The following HERC2 variants were observed in gnomAD, a reference collection of about 807,000 sequenced individuals.
The protein encoded by HERC2 is HECT and RLD domain containing E3 ubiquitin protein ligase 2.
Under a neutral mutation model 537.7 loss-of-function variants are expected in HERC2, and 102 were observed. That is an observed-to-expected ratio of 0.19 (90% CI 0.16 to 0.22). The LOEUF (loss-of-function observed/expected upper bound fraction) is 0.22, where lower values mean the gene tolerates loss of function less well. Ranked by LOEUF, HERC2 falls within the 10% of genes least tolerant of loss-of-function variation. The pLI, the probability that HERC2 is intolerant of heterozygous loss-of-function variation, is 1.00. For missense variants in HERC2, 4,236 were observed against 6,198.2 expected (o/e 0.68, Z 10.63); for synonymous variants, 2,224 against 2,466.2 (o/e 0.90, Z 2.91).
rs185450262 is a variant in HERC2 at position 28,143,009 on chromosome 15, C to T, written c.11419-57G>A. On this transcript the variant is annotated intron_variant, in intron 74 of 92. Transcript: ENST00000261609. Reference sequence around the variant, plus strand: ...GGAATCCAGGTGCCGGGGAGGCTGACCATTTGTTTCTACCGTCAAATGTTT... The same window carrying T: ...GGAATCCAGGTGCCGGGGAGGCTGATCATTTGTTTCTACCGTCAAATGTTT... The T allele has an allele frequency of 1.8e-3, 2,839 of 1,555,512 alleles. 31 individuals carry two copies. Among genetic ancestry groups the T allele is most frequent in the South Asian group, 0.015 (1,290 of 84,960 alleles).
At chr15:28,289,124 C>T (rs1316912305) in intron 4 of HERC2, among the ~76,000 whole-genome samples, 2 of 151,692 alleles carry the variant, frequency 1.3e-5, no homozygotes, top group Non-Finnish European at 1.5e-5. Flanking sequence ...TAGATTTAAA[C>T]CCAAGTAGTC....
chr15:28,285,571 A>G (rs866030940), intron 4 of HERC2, among the ~76,000 whole-genome samples: 1 of 152,086 alleles, frequency 6.6e-6, no homozygotes, highest in African/African-American at 2.4e-5. Flanking sequence ...TTACAGCACT[A>G]AATAAATGAT....
chr15:28,230,341 C>A (rs1450428691), intron 31 of HERC2, 26 bp downstream of exon 31: 1 of 1,581,674 alleles, frequency 6.3e-7, no homozygotes, highest in Non-Finnish European at 8.6e-7. Flanking sequence ...ATTCAGCCAA[C>A]CTCAGAATCA....
At chr15:28,165,837 T>C (rs1248903364) in intron 68 of HERC2, among the ~76,000 whole-genome samples, 1 of 152,034 alleles carries the variant, frequency 6.6e-6, no homozygotes, top group African/African-American at 2.4e-5. Flanking sequence ...TATGTACCTA[T>C]TATGTTACAC....
At chr15:28,119,747 A>G (rs1888676816) in intron 86 of HERC2, among the ~76,000 whole-genome samples, 1 of 152,074 alleles carries the variant, frequency 6.6e-6, no homozygotes, top group Non-Finnish European at 1.5e-5. Context: ...AGCCACCACC[A>G]ACGACTAATA....
intron 48 of HERC2, among the ~76,000 whole-genome samples, chr15:28,199,843 G>A (rs564648492): frequency 3.3e-5 from 5 of 152,180 alleles, no homozygotes; most frequent in African/African-American, 4.8e-5. Flanking sequence ...AGAGGAAGAT[G>A]TTAGCCACAA....
intron 72 of HERC2, 96 bp from the exon 73 acceptor site, chr15:28,144,331 A>C: frequency 7.5e-7 from 1 of 1,330,380 alleles, no homozygotes. Context: ...ACCCAGCCCC[A>C]CCCACCAGAA....
At chr15:28,223,905 T>A (rs992493062) in intron 35 of HERC2, among the ~76,000 whole-genome samples, 3 of 151,952 alleles carry the variant, frequency 2.0e-5, no homozygotes, top group African/African-American at 7.3e-5. Flanking sequence ...TACTTAATGA[T>A]TTGTGCTGTG....
intron 76 of HERC2, 38 bp from the exon 77 acceptor site, chr15:28,141,884 T>C (rs761184404): frequency 1.3e-5 from 19 of 1,426,610 alleles, no homozygotes; most frequent in Non-Finnish European, 1.8e-5. Context: ...ATCAAACACT[T>C]ATCTCAAACA....
intron 35 of HERC2, 152 bp from the exon 36 acceptor site, chr15:28,222,367 T>C: frequency 5.5e-6 from 3 of 543,578 alleles, no homozygotes; most frequent in Non-Finnish European, 1.0e-5. Context: ...AATATTTTAC[T>C]GATATAGGAT....
At chr15:28,282,110 TCA>T (rs2076034295) in intron 4 of HERC2, among the ~76,000 whole-genome samples, 3 of 152,132 alleles carry the variant, frequency 2.0e-5, no homozygotes, top group Admixed American at 2.0e-4. Context: ...TACCCCTGCC[TCA>T]CAGTAACCAG....
chr15:28,199,443 C>A lies in HERC2; in HGVS notation c.7717-674G>T, dbSNP rs182696485. Among the ~76,000 whole-genome samples, 3 of 152,332 alleles carry A rather than the reference C, an allele frequency of 2.0e-5. No individual in the cohort carries two copies. The East Asian group carries it at 5.8e-4, about 29-fold the overall frequency. ...ACAAAGCTTCCTGGTCATCTTTATA[C>A]ATATCAGAACACCAATGCATCATTC... On this transcript the variant is annotated intron_variant, in intron 48 of 92. Coordinates refer to ENST00000261609, the MANE Select transcript of HERC2 (RefSeq NM_004667.6).
intron 78 of HERC2, among the ~76,000 whole-genome samples, chr15:28,137,743 A>G (rs1890796462): frequency 6.6e-6 from 1 of 152,190 alleles, no homozygotes; most frequent in Admixed American, 6.5e-5. Context: ...AGGCCACTTA[A>G]TAACCCTACA....
chr15:28,265,925 C>T lies in HERC2; in HGVS notation c.1648G>A (p.Gly550Arg), dbSNP rs770271788. The part of the protein sequence containing the change: ...VISAFSGKQA[G>R]KHVVHIACGS... The stretch of plus-strand genomic sequence containing the variant: ...CAAGCGATGTGCACCACGTGCTTCC[C>T]GGCCTGCTTTCCAGAGAAGGCGGAG... Residue 550 changes from glycine (G) to arginine (R), a missense_variant, in exon 13 of 93, where the codon GGG becomes AGG. Around this residue, in one of 27 missense-constraint regions of HERC2, gnomAD observed 754 missense variants for 1,085.0 expected, o/e 0.69. Coordinates refer to ENST00000261609, the MANE Select transcript of HERC2 (RefSeq NM_004667.6). This position sits in a 1 kb window ranked among gnomAD's most constrained non-coding sequence, Gnocchi z 4.0. 4.3e-6 allele frequency: 7 copies of T among 1,614,172 alleles called. No homozygotes were observed. The highest frequency in any genetic ancestry group is 3.3e-5 in the Admixed American group (2 of 60,022).
rs560151766 is a variant in HERC2, at chr15:28,111,706, C to G, written c.*57G>C. 1 of 1,573,922 alleles carries G rather than the reference C, an allele frequency of 6.4e-7. No individual in the cohort carries two copies. The highest frequency in any genetic ancestry group is 8.7e-7 in the Non-Finnish European group (1 of 1,151,932). On this transcript the variant is annotated 3_prime_UTR_variant, in exon 93 of 93. Coordinates refer to ENST00000261609, the MANE Select transcript of HERC2 (RefSeq NM_004667.6). ...ACCAGGCAGCCTACAGTCTACACAG[C>G]AGCGAGCGCTCTGCTGCCTGGCTCA...
chr15:28,179,792 C>T (rs754857364), intron 57 of HERC2, among the ~76,000 whole-genome samples: 1 of 151,776 alleles, frequency 6.6e-6, no homozygotes, highest in South Asian at 2.1e-4. Context: ...TTAACAAACA[C>T]GTTAAAAAGT....
At chr15:28,215,521 T>C (rs1480445881) in intron 39 of HERC2, 100 bp downstream of exon 39, 5 of 916,838 alleles carry the variant, frequency 5.5e-6, no homozygotes, top group South Asian at 3.1e-5. Flanking sequence ...AGACCCTTTC[T>C]GCACTCGTTA....
chr15:28,191,299 A>G, intron 53 of HERC2, 55 bp from the exon 54 acceptor site: 2 of 1,093,032 alleles, frequency 1.8e-6, no homozygotes, highest in Non-Finnish European at 2.8e-6. Context: ...GCTATATTTT[A>G]GCTACTACAA....
chr15:28,298,793 C>T lies in HERC2; in HGVS notation c.187+609G>A, dbSNP rs558568189. 4.0e-5 allele frequency among the ~76,000 whole-genome samples: 6 copies of T among 148,366 alleles called. No homozygotes were observed. In the East Asian group the frequency reaches 5.9e-4, roughly 14 times the overall value. ...CCTCAGCAACAGAGCAAGACTCCTT[C>T]CCCCCCAAAAAAAAGAAGAAGAAGA... On this transcript the variant is annotated intron_variant, in intron 3 of 92. Transcript: ENST00000261609.
Sources: allele counts gnomAD v4.1 joint callset (sites outside exome capture counted in the v4.1 genomes callset), GRCh38; gene constraint gnomAD v4.1.1; regional missense constraint gnomAD v4.1.1; non-coding constraint Gnocchi (gnomAD v3.1); transcripts MANE v1.5; gene names NCBI Gene and HGNC (gene_info 2026-07-23, HGNC 2026-07-21).